The following TRAPPC3 variants were observed in gnomAD, a reference collection of about 807,000 sequenced individuals.
TRAPPC3 encodes the protein trafficking protein particle complex 3.
Under a neutral mutation model 18.2 loss-of-function variants are expected in TRAPPC3, and 5 were observed. The ratio of observed to expected loss-of-function variants is 0.28; its 90% confidence interval spans 0.14 to 0.58. The LOEUF is 0.58. Ranked by LOEUF, TRAPPC3 falls within the 20% of genes least tolerant of loss-of-function variation. The probability of loss-of-function intolerance (pLI) is 0.91; values close to 1 mark genes in which losing one functional copy is unlikely to be tolerated. For missense variants in TRAPPC3, 176 were observed against 225.9 expected (o/e 0.78, Z 1.41); for synonymous variants, 65 against 84.2 (o/e 0.77, Z 1.25).
chr1:36,149,517 G>A, upstream of TRAPPC3: 1 of 1,122,982 alleles, frequency 8.9e-7, no homozygotes, highest in Non-Finnish European at 1.3e-6. Flanking sequence ...CCTCCCGCGG[G>A]GCACCACGGG....
chr1:36,149,495 G>A, upstream of TRAPPC3: 2 of 1,369,062 alleles, frequency 1.5e-6, no homozygotes, highest in Non-Finnish European at 2.0e-6. Context: ...CTGACTCACT[G>A]CGCCTGCGCG....
At chr1:36,149,074 G>A (rs1340833198) in intron 1 of TRAPPC3, 1 of 1,388,676 alleles carries the variant, frequency 7.2e-7, no homozygotes, top group Non-Finnish European at 9.3e-7. Context: ...TTAAGTGGCA[G>A]TTATTGGTAT....
At chr1:36,143,797 T>A (rs1000520339) in intron 1 of TRAPPC3, among the ~76,000 whole-genome samples, 1 of 152,216 alleles carries the variant, frequency 6.6e-6, no homozygotes, top group Non-Finnish European at 1.5e-5. Flanking sequence ...AGCTTTGTTA[T>A]CCTAAGCCAC....
chr1:36,142,822 G>A (rs966126942), intron 1 of TRAPPC3, among the ~76,000 whole-genome samples: 22 of 152,136 alleles, frequency 1.4e-4, no homozygotes, highest in Admixed American at 1.2e-3. Context: ...TCGAGCCCAG[G>A]AATTTGAGAC....
upstream of TRAPPC3, among the ~76,000 whole-genome samples, chr1:36,153,748 G>A (rs1008771591): frequency 6.6e-6 from 1 of 152,078 alleles, no homozygotes; most frequent in South Asian, 2.1e-4. Flanking sequence ...ATTGCCCTTG[G>A]TTGAGAACCC....
At chr1:36,141,574 T>C (rs765961994) in intron 1 of TRAPPC3, among the ~76,000 whole-genome samples, 40 of 152,176 alleles carry the variant, frequency 2.6e-4, no homozygotes, top group Non-Finnish European at 5.1e-4. Flanking sequence ...TGTATCTCAT[T>C]ATCTATCCCA....
At chr1:36,153,744 C>T (rs993393669), upstream of TRAPPC3, among the ~76,000 whole-genome samples, 1 of 152,106 alleles carries the variant, frequency 6.6e-6, no homozygotes, top group Non-Finnish European at 1.5e-5. Context: ...CAAAATTGCC[C>T]TTGGTTGAGA....
In TRAPPC3 at chr1:36,137,973, C is replaced by T. The variant is rs768891717; in HGVS notation, c.246G>A (p.Ala82=). 17 of 1,613,534 alleles carry T rather than the reference C, an allele frequency of 1.1e-5. No individual in the cohort carries two copies. Among genetic ancestry groups the T allele is most frequent in the East Asian group, 4.5e-5 (2 of 44,892 alleles). The change falls in exon 4 of 5, where the codon GCG becomes GCA. Residue 82 remains alanine, a synonymous_variant. Coordinates refer to ENST00000373166, the MANE Select transcript of TRAPPC3 (RefSeq NM_014408.5). ...GAGTGATGCCCAAGTACATCTTGAA[C>T]GCCACCTGTCAGGGGACACACAACA... is the stretch of plus-strand genomic sequence containing the variant. ...RETADVIAKV[A]FKMYLGITPS...
At chr1:36,146,301 T>A (rs1330434626) in intron 1 of TRAPPC3, among the ~76,000 whole-genome samples, 56 of 24,736 alleles carry the variant, frequency 2.3e-3, no homozygotes, top group Admixed American at 9.1e-3. Flanking sequence ...ATGGTCTCTC[T>A]TTTTTTTTTT....
At chr1:36,150,470 G>A (rs1199734936), upstream of TRAPPC3, among the ~76,000 whole-genome samples, 1 of 152,184 alleles carries the variant, frequency 6.6e-6, no homozygotes, top group African/African-American at 2.4e-5. Context: ...TGGGCTGGGG[G>A]GTCCCTGAGC....
At chr1:36,138,800 G>A (rs1435555825) in intron 3 of TRAPPC3, among the ~76,000 whole-genome samples, 1 of 152,060 alleles carries the variant, frequency 6.6e-6, no homozygotes, top group Admixed American at 6.6e-5. Context: ...GGAGGCCGAG[G>A]TGGGCAGATC....
At chr1:36,148,382 G>C (rs1353325024) in intron 1 of TRAPPC3, among the ~76,000 whole-genome samples, 1 of 152,186 alleles carries the variant, frequency 6.6e-6, no homozygotes, top group Non-Finnish European at 1.5e-5. Context: ...ATCACCTGAG[G>C]TCAGGAGTTC....
upstream of TRAPPC3, among the ~76,000 whole-genome samples, chr1:36,149,971 C>T (rs917718756): frequency 7.9e-5 from 12 of 152,212 alleles, no homozygotes; most frequent in Admixed American, 6.5e-4. Context: ...CCAAGCATTT[C>T]GCTAGTGTCT....
At chr1:36,139,077 C>T (rs76477257) in intron 3 of TRAPPC3, among the ~76,000 whole-genome samples, 8,270 of 147,366 alleles carry the variant, frequency 0.056, 641 homozygotes, top group East Asian at 0.25. Flanking sequence ...GATGAGGTCA[C>T]TGGTAATTAA....
At chr1:36,149,641 T>C, upstream of TRAPPC3, 1 of 556,894 alleles carries the variant, frequency 1.8e-6, no homozygotes. Context: ...ACTCCCGGAG[T>C]GCTCCGCGCG....
At chr1:36,152,842 G>A (rs759769906), upstream of TRAPPC3, among the ~76,000 whole-genome samples, 2 of 152,226 alleles carry the variant, frequency 1.3e-5, no homozygotes, top group Non-Finnish European at 1.5e-5. Flanking sequence ...GGTGGAGACA[G>A]GGTTTCGCCA....
At chr1:36,145,465 A>G (rs1314367578) in intron 1 of TRAPPC3, among the ~76,000 whole-genome samples, 1 of 152,136 alleles carries the variant, frequency 6.6e-6, no homozygotes, top group East Asian at 1.9e-4. Flanking sequence ...CTTACCCTCC[A>G]GCCTTTTGTC....
chr1:36,149,547 T>A (rs2231309), upstream of TRAPPC3: 20 of 784,388 alleles, frequency 2.5e-5, no homozygotes, highest in East Asian at 5.4e-5. Context: ...CCGGCCGACG[T>A]GGGCAACTCC....
upstream of TRAPPC3, among the ~76,000 whole-genome samples, chr1:36,151,410 T>G (rs1426044530): frequency 2.0e-5 from 3 of 151,684 alleles, no homozygotes; most frequent in Non-Finnish European, 4.4e-5. Flanking sequence ...GCCACTCTTT[T>G]GTTTATTTAC....
Sources: allele counts gnomAD v4.1 joint callset (sites outside exome capture counted in the v4.1 genomes callset), GRCh38; gene constraint gnomAD v4.1.1; transcripts MANE v1.5; gene names NCBI Gene and HGNC (gene_info 2026-07-23, HGNC 2026-07-21).